TMEM131: variants seen among roughly 807,000 people sequenced by gnomAD.
The protein encoded by TMEM131 is 2610524E03Rik.
In TMEM131, 66 loss-of-function variants were observed where a neutral mutation model predicts 211.6. The ratio of observed to expected loss-of-function variants is 0.31; its 90% CI spans 0.26 to 0.38. The LOEUF (loss-of-function observed/expected upper bound fraction) is 0.38. Among genes scored for constraint, TMEM131 ranks in the 10% least tolerant of loss-of-function variants. TMEM131 has a pLI of 1.00. For missense variants in TMEM131, 2,036 were observed against 2,299.3 expected, an observed-to-expected ratio of 0.89 and a Z score of 2.34; for synonymous variants, 844 against 841.3, an observed-to-expected ratio of 1.00 and a Z score of -0.06.
chr2:97,853,748 T>C (rs1673724883), intron 5 of TMEM131, among the ~76,000 whole-genome samples: 1 of 152,122 alleles, frequency 6.6e-6, no homozygotes, highest in South Asian at 2.1e-4. Context: ...GAAGTCACTG[T>C]AGATGTGGTA....
chr2:97,916,905 C>A (rs534042802), intron 2 of TMEM131, among the ~76,000 whole-genome samples: 2 of 152,146 alleles, frequency 1.3e-5, no homozygotes, highest in African/African-American at 4.8e-5. Flanking sequence ...CTTGTCAACA[C>A]CCAATAAATA....
intron 2 of TMEM131, among the ~76,000 whole-genome samples, chr2:97,913,928 C>A (rs1199415699): frequency 6.6e-6 from 1 of 152,170 alleles, no homozygotes; most frequent in African/African-American, 2.4e-5. Flanking sequence ...GGCGATGAGA[C>A]TATGCTTCTC....
At position 97,795,118 on chromosome 2, in the gene TMEM131, A is replaced by G. The variant is rs1490819497; in HGVS notation, c.3201-3T>C. On this transcript the variant is annotated splice_region_variant and splice_polypyrimidine_tract_variant and intron_variant, in intron 28 of 40. Coordinates refer to ENST00000186436, the MANE Select transcript of TMEM131 (RefSeq NM_015348.2). ...AAGCTGTAAAATCAGGAGTAAACCT[A>G]AAACAGAATGATGGTAGTAAGGCTA... 3 of 1,608,386 alleles carry G rather than the reference A, an allele frequency of 1.9e-6. No individual in the cohort carries two copies. The highest frequency in any genetic ancestry group is 3.4e-5 in the Admixed American group (2 of 59,464).
chr2:97,874,079 A>T (rs1674595575), intron 4 of TMEM131, among the ~76,000 whole-genome samples: 1 of 152,248 alleles, frequency 6.6e-6, no homozygotes. Context: ...TGAAGCATAC[A>T]CAAGTTTCAA....
At position 97,995,810 on chromosome 2, in the gene TMEM131, G is replaced by T; in HGVS notation, c.-148C>A. 2.6e-6 allele frequency: 1 copy of T among 385,518 alleles called. No individual in the cohort carries two copies. The highest frequency in any genetic ancestry group is 4.0e-6 in the Non-Finnish European group (1 of 249,702). 23.9% of individuals were successfully genotyped at this position (385,518 alleles called of 1,614,324 possible). On this transcript the variant is annotated 5_prime_UTR_variant, in exon 1 of 41. Transcript: ENST00000186436. Reference sequence around the variant, plus strand: ...CCCGGGGCTCGATCTCCGAGCGTGGGCCTGGGTCCGTGCGTGCGTGTGAGC... The same window carrying T: ...CCCGGGGCTCGATCTCCGAGCGTGGTCCTGGGTCCGTGCGTGCGTGTGAGC...
chr2:97,909,911 ATTTC>A (rs1419431990), intron 2 of TMEM131, among the ~76,000 whole-genome samples: 1 of 152,186 alleles, frequency 6.6e-6, no homozygotes, highest in East Asian at 1.9e-4. Flanking sequence ...GTAAAGAAAA[ATTTC>A]TTTAACTTTT....
At chr2:97,852,925 G>A (rs1445811498) in intron 5 of TMEM131, among the ~76,000 whole-genome samples, 2 of 152,178 alleles carry the variant, frequency 1.3e-5, no homozygotes, top group Non-Finnish European at 2.9e-5. Flanking sequence ...TTCTACCTGT[G>A]CTCTATAAAT....
At chr2:97,924,964 C>T (rs776627262) in intron 2 of TMEM131, among the ~76,000 whole-genome samples, 2 of 152,254 alleles carry the variant, frequency 1.3e-5, no homozygotes, top group East Asian at 3.9e-4. Flanking sequence ...ACTGAAGTCT[C>T]GACCTCCCAG....
At chr2:97,825,623 C>A (rs1274900403) in intron 11 of TMEM131, among the ~76,000 whole-genome samples, 1 of 152,220 alleles carries the variant, frequency 6.6e-6, no homozygotes, top group Admixed American at 6.5e-5. Context: ...GGCCCTACTA[C>A]AAGCTCCAGC....
chr2:97,994,364 A>G (rs902846674), intron 1 of TMEM131, among the ~76,000 whole-genome samples: 2 of 152,248 alleles, frequency 1.3e-5, no homozygotes, highest in African/African-American at 4.8e-5. Context: ...GGTTGCTTAG[A>G]GAGTTAGATA....
At chr2:97,841,978 T>G in intron 6 of TMEM131, 41 bp from the exon 7 acceptor site, 1 of 1,454,304 alleles carries the variant, frequency 6.9e-7, no homozygotes, top group South Asian at 1.5e-5. Context: ...TAGTTGCTTT[T>G]ATAATTAATA....
chr2:97,838,337 G>A (rs186141351), intron 7 of TMEM131, among the ~76,000 whole-genome samples: 68 of 151,612 alleles, frequency 4.5e-4, no homozygotes, highest in Non-Finnish European at 1.9e-4. Context: ...GAGAATGGGT[G>A]GAAACGTTCA....
intron 1 of TMEM131, among the ~76,000 whole-genome samples, chr2:97,985,485 A>C (rs975074902): frequency 2.0e-5 from 3 of 152,136 alleles, no homozygotes; most frequent in Admixed American, 6.5e-5. Flanking sequence ...GCAAATAGCA[A>C]CTTTAAATTT....
chr2:97,883,399 C>G (rs1393672940), intron 4 of TMEM131, among the ~76,000 whole-genome samples: 4 of 152,180 alleles, frequency 2.6e-5, no homozygotes, highest in Non-Finnish European at 5.9e-5. Context: ...AGTTCATCTA[C>G]CCATTCACAC....
chr2:97,818,463 C>CGGGGGG (rs1184208506), intron 12 of TMEM131, 150 bp downstream of exon 12: 8 of 283,878 alleles, frequency 2.8e-5, no homozygotes, highest in African/African-American at 1.4e-4. Flanking sequence ...TGGTTTACAG[C>CGGGGGG]GGGGGGGGGC....
chr2:97,923,043 T>A (rs1210734193), intron 2 of TMEM131, among the ~76,000 whole-genome samples: 1 of 152,156 alleles, frequency 6.6e-6, no homozygotes, highest in Non-Finnish European at 1.5e-5. Context: ...AATCCCAGCA[T>A]TTTGGGAGGC....
At chr2:97,790,215 C>G (rs538554786) in intron 31 of TMEM131, among the ~76,000 whole-genome samples, 82 of 152,262 alleles carry the variant, frequency 5.4e-4, no homozygotes, top group African/African-American at 1.9e-3. Context: ...TCACAACATA[C>G]TACTAGTTTG....
At chr2:97,847,109 AACCCGGGAG>A (rs1294220563) in intron 5 of TMEM131, among the ~76,000 whole-genome samples, 2 of 123,578 alleles carry the variant, frequency 1.6e-5, no homozygotes, top group African/African-American at 6.2e-5. Flanking sequence ...GAGTCGCTTG[AACCCGGGAG>A]ACAGAGGTTG....
chr2:97,853,106 C>T (rs190148103), intron 5 of TMEM131, among the ~76,000 whole-genome samples: 5 of 152,340 alleles, frequency 3.3e-5, no homozygotes, highest in South Asian at 2.1e-4. Context: ...AGAAGATGCA[C>T]GTTGTTTTCA....
Sources: gnomAD v4.1 joint callset for allele counts (sites outside exome capture counted in the v4.1 genomes callset) on GRCh38, gnomAD v4.1.1 for gene constraint, MANE v1.5 for transcripts, NCBI Gene and HGNC (gene_info 2026-07-23, HGNC 2026-07-21) for gene names.